Variants in SYCP2L observed in about 807,000 individuals in gnomAD.
SYCP2L encodes the protein synaptonemal complex protein 2 like.
SYCP2L carries 98 observed loss-of-function variants against 125.8 expected under a neutral mutation model. The ratio of observed to expected loss-of-function variants is 0.78; its 90% CI spans 0.66 to 0.92. SYCP2L has a LOEUF of 0.92. SYCP2L is among the 40% of genes least tolerant of loss of function. SYCP2L has a pLI of 0.00. For missense variants in SYCP2L, 842 were observed against 936.4 expected, an observed-to-expected ratio of 0.90 and a Z score of 1.32; for synonymous variants, 317 against 325.4, an observed-to-expected ratio of 0.97 and a Z score of 0.28.
rs1780678028 is a variant in SYCP2L at position 10,915,470 on chromosome 6, C to G, written c.1072+2543C>G. 2.6e-5 allele frequency among the ~76,000 whole-genome samples: 4 copies of G among 152,124 alleles called. 1 individual carries two copies. Among genetic ancestry groups the G allele is most frequent in the Admixed American group, 2.6e-4 (4 of 15,280 alleles). On this transcript the variant is annotated intron_variant, in intron 14 of 29. Transcript: ENST00000283141. ...TTGGCTATGGGTTTGTCATAGATGG[C>G]TTTTATTACATTGAGGTATGTCCCT...
chr6:10,899,592 G>T (rs1419479088), intron 6 of SYCP2L, among the ~76,000 whole-genome samples: 1 of 152,194 alleles, frequency 6.6e-6, no homozygotes, highest in Admixed American at 6.5e-5. Context: ...TGGATTCAAA[G>T]ATGCACTTAA....
intron 2 of SYCP2L, among the ~76,000 whole-genome samples, 164 bp from the exon 3 acceptor site, chr6:10,893,703 C>T (rs954552339): frequency 2.6e-5 from 4 of 152,162 alleles, no homozygotes; most frequent in Non-Finnish European, 5.9e-5. Flanking sequence ...AAACATCAAT[C>T]ATTTGTGAAA....
At chr6:10,963,662 A>G (rs1781628426) in intron 28 of SYCP2L, 120 bp from the exon 29 acceptor site, 6 of 947,848 alleles carry the variant, frequency 6.3e-6, no homozygotes, top group Non-Finnish European at 9.7e-6. Flanking sequence ...GTTGGTGTCT[A>G]TAATTAAGTA....
chr6:10,904,862 A>G (rs992217245), intron 8 of SYCP2L, among the ~76,000 whole-genome samples: 1 of 152,212 alleles, frequency 6.6e-6, no homozygotes, highest in South Asian at 2.1e-4. Context: ...TCGGCCGGGC[A>G]TGGTGGCTCA....
In SYCP2L at chr6:10,954,990, T is replaced by G; in HGVS notation, c.1955-126T>G. 1.5e-6 allele frequency: 1 copy of G among 683,504 alleles called. No individual in the cohort carries two copies. 42.3% of individuals were successfully genotyped at this position (683,504 alleles called of 1,614,324 possible). On this transcript the variant is annotated intron_variant, in intron 23 of 29. Coordinates refer to ENST00000283141, the MANE Select transcript of SYCP2L (RefSeq NM_001040274.3). The surrounding 1 kb of genome is among the most constrained non-coding windows in gnomAD (Gnocchi z 4.8). ...GTTTGTGCCTAGTCGATGCACCGAA[T>G]GATAACTCATTAGCAACAGGCAGGG... is the stretch of plus-strand genomic sequence containing the variant.
chr6:10,909,429 G>A (rs866332708), intron 10 of SYCP2L, among the ~76,000 whole-genome samples: 17 of 152,080 alleles, frequency 1.1e-4, no homozygotes. Flanking sequence ...CGTCCGGCCC[G>A]AATTGCTTTT....
chr6:10,891,607 CTCTCTCTGTGTG>C (rs1780173405), intron 2 of SYCP2L, 26 bp downstream of exon 2: 2 of 452,948 alleles, frequency 4.4e-6, no homozygotes, highest in Non-Finnish European at 3.7e-6. Flanking sequence ...CTTTTATAAT[CTCTCTCTGTGTG>C]TGTGTGTGTG....
At chr6:10,929,298 G>A (rs1780950676) in intron 18 of SYCP2L, among the ~76,000 whole-genome samples, 2 of 152,186 alleles carry the variant, frequency 1.3e-5, no homozygotes, top group African/African-American at 4.8e-5. Context: ...GACTGAAGGA[G>A]CCTAATGTTT....
At chr6:10,945,582 C>G (rs922052975) in intron 23 of SYCP2L, among the ~76,000 whole-genome samples, 1 of 151,892 alleles carries the variant, frequency 6.6e-6, no homozygotes, top group Non-Finnish European at 1.5e-5. Flanking sequence ...CCAGCCTGAC[C>G]AACATGGGGA....
chr6:10,945,572 C>A (rs1368931283), intron 23 of SYCP2L, among the ~76,000 whole-genome samples: 1 of 152,010 alleles, frequency 6.6e-6, no homozygotes, highest in Non-Finnish European at 1.5e-5. Flanking sequence ...GAGTTCAAGA[C>A]CAGCCTGACC....
intron 23 of SYCP2L, among the ~76,000 whole-genome samples, chr6:10,943,690 A>G (rs1198221315): frequency 6.6e-6 from 1 of 152,166 alleles, no homozygotes; most frequent in East Asian, 1.9e-4. Context: ...AGAGGTAATG[A>G]CTTATGACTT....
chr6:10,887,159 G>A (rs1179654750), intron 1 of SYCP2L, 24 bp downstream of exon 1: 1 of 1,614,052 alleles, frequency 6.2e-7, no homozygotes, highest in Non-Finnish European at 8.5e-7. Context: ...GAAGGGCCCG[G>A]ACCTTCTGTC....
intron 9 of SYCP2L, among the ~76,000 whole-genome samples, chr6:10,907,094 G>A (rs981285127): frequency 6.6e-6 from 1 of 151,592 alleles, no homozygotes; most frequent in African/African-American, 2.4e-5. Flanking sequence ...CTACAATTCC[G>A]GCACTTTGGG....
At chr6:10,963,499 C>G in intron 28 of SYCP2L, 1 of 374,062 alleles carries the variant, frequency 2.7e-6, no homozygotes, top group South Asian at 3.0e-5. Flanking sequence ...ATTTCAGCCC[C>G]TAGCTTAGAA....
intron 29 of SYCP2L, among the ~76,000 whole-genome samples, chr6:10,967,454 G>GGTGTGTGTGTGTGTGTGTGT (rs3066151): frequency 5.0e-5 from 7 of 138,914 alleles, no homozygotes; most frequent in East Asian, 4.2e-4. Context: ...TGGGGTAGAG[G>GGTGTGTGTGTGTGTGTGTGT]GTGTGTGTGT....
At chr6:10,956,099 T>C (rs745510276) in intron 24 of SYCP2L, 37 bp from the exon 25 acceptor site, 62 of 1,519,008 alleles carry the variant, frequency 4.1e-5, no homozygotes, top group Non-Finnish European at 5.4e-5. Flanking sequence ...TTGAACACTT[T>C]GTTAGTTTTA....
intron 29 of SYCP2L, among the ~76,000 whole-genome samples, chr6:10,965,684 G>T (rs1041453320): frequency 7.2e-5 from 11 of 152,278 alleles, no homozygotes; most frequent in African/African-American, 2.6e-4. Flanking sequence ...TTAAAAGAAG[G>T]ATAATGTTAG....
intron 21 of SYCP2L, among the ~76,000 whole-genome samples, chr6:10,941,600 T>A (rs1254256604): frequency 1.3e-5 from 2 of 152,218 alleles, no homozygotes; most frequent in African/African-American, 4.8e-5. Context: ...CGCAATGAGA[T>A]ACCATCTCAC....
At chr6:10,906,765 T>G (rs1354837841) in intron 9 of SYCP2L, among the ~76,000 whole-genome samples, 2 of 151,826 alleles carry the variant, frequency 1.3e-5, no homozygotes, top group African/African-American at 4.8e-5. Flanking sequence ...ACCTGGCTAA[T>G]TTTTGTATTT....
Sources: gnomAD v4.1 joint callset for allele counts (sites outside exome capture counted in the v4.1 genomes callset) on GRCh38, gnomAD v4.1.1 for gene constraint, Gnocchi (gnomAD v3.1) non-coding constraint, MANE v1.5 for transcripts, NCBI Gene and HGNC (gene_info 2026-07-23, HGNC 2026-07-21) for gene names.